SLC12A3: variants seen among roughly 807,000 people sequenced by gnomAD.
The protein encoded by SLC12A3 is Na-Cl cotransporter.
A neutral mutation model predicts 121.0 loss-of-function variants in SLC12A3; 104 were observed. The observed-to-expected ratio is 0.86, with a 90% CI of 0.73 to 1.01. The LOEUF is 1.01. Among genes scored for constraint, SLC12A3 ranks in the 50% least tolerant of loss-of-function variants. The pLI is 0.00. For synonymous variants in SLC12A3, 536 were observed against 533.4 expected (o/e 1.00, Z -0.07); for missense variants, 1,328 against 1,356.3 (o/e 0.98, Z 0.33).
chr16:56,872,440 CA>C lies in SLC12A3; in HGVS notation c.945del (p.Gly316AlafsTer54), dbSNP rs1451049067. ...TCCCCCCATCTGAGGACAAGGCCTC[CA>C]AAGGCTTCTTCAGCTACCGGGGTAT... ...LIPPSEDKAS[K>X]GFFSYRADIF... On this transcript the variant is annotated frameshift_variant, in exon 7 of 26. Coordinates refer to ENST00000563236, the MANE Select transcript of SLC12A3 (RefSeq NM_001126108.2). LOFTEE classifies it high-confidence loss of function. 1.2e-6 allele frequency: 2 copies of C among 1,613,944 alleles called. No homozygotes were observed. Among genetic ancestry groups the C allele is most frequent in the South Asian group, 1.1e-5 (1 of 91,074 alleles).
intron 10 of SLC12A3, 80 bp from the exon 11 acceptor site, chr16:56,879,462 C>A: frequency 8.0e-7 from 1 of 1,248,914 alleles, no homozygotes; most frequent in Non-Finnish European, 1.2e-6. Flanking sequence ...CCCCTGCCCG[C>A]AGTAGGGAAT....
intron 22 of SLC12A3, among the ~76,000 whole-genome samples, chr16:56,897,340 C>T (rs544110137): frequency 1.3e-4 from 20 of 152,222 alleles, no homozygotes; most frequent in African/African-American, 4.6e-4. Context: ...AACCCCTGCC[C>T]GGTCTCTAGT....
chr16:56,886,843 C>T (rs148659533), intron 16 of SLC12A3, 110 bp from the exon 17 acceptor site: 4 of 1,452,546 alleles, frequency 2.8e-6, no homozygotes, highest in Non-Finnish European at 3.8e-6. Context: ...GAAAAGGGCA[C>T]CGTGGGTGCT....
Position 56,899,645 on chromosome 16 carries a change from G to A in SLC12A3, c.2720+29G>A, listed in dbSNP as rs189363999. On this transcript the variant is annotated intron_variant, in intron 23 of 25. Transcript: ENST00000563236. The stretch of plus-strand genomic sequence containing the variant: ...AGTTCTGTTTTGGGGCTTCCAGGCA[G>A]AAGGGCCAACTGTGTGCCTGGAGAC... 6.6e-5 allele frequency: 101 copies of A among 1,530,092 alleles called. 1 individual carries two copies. In the African/African-American group the frequency reaches 1.2e-3, roughly 19 times the overall value. The allele number at this position is 1,530,092 out of a possible 1,614,324, so 94.8% of individuals were successfully genotyped here.
chr16:56,886,360 T>TCAGCCC lies in SLC12A3; in HGVS notation c.1926-2_1929dup, dbSNP rs757663793. ...GCTCCTGCCCTTTTCCCTTCCCTCC[T>TCAGCCC]CAGCCCCCAGTGCCTGGTGCTCACG... On this transcript the variant is annotated splice_region_variant and splice_polypyrimidine_tract_variant and intron_variant, in intron 15 of 25. Transcript: ENST00000563236. 5 of 1,610,822 alleles carry TCAGCCC rather than the reference T, an allele frequency of 3.1e-6. No homozygotes were observed. The highest frequency in any genetic ancestry group is 2.5e-6 in the Non-Finnish European group (3 of 1,177,148).
chr16:56,905,352 A>G (rs1015937686), intron 25 of SLC12A3, among the ~76,000 whole-genome samples: 1 of 151,506 alleles, frequency 6.6e-6, no homozygotes, highest in Admixed American at 6.6e-5. Flanking sequence ...AAAAAAAAAA[A>G]AAAAAAAAAG....
At chr16:56,878,041 T>TCTCTCCC in intron 8 of SLC12A3, 36 bp from the exon 9 acceptor site, 1 of 393,172 alleles carries the variant, frequency 2.5e-6, no homozygotes, top group South Asian at 2.1e-5. Flanking sequence ...CCTCTCTCCC[T>TCTCTCCC]CCCTCCCTCC....
rs1307936997 is a variant in SLC12A3 at position 56,865,411 on chromosome 16, A to G, written c.176A>G (p.Asn59Ser). 6.2e-7 allele frequency: 1 copy of G among 1,614,170 alleles called. No individual in the cohort carries two copies. Among genetic ancestry groups the G allele is most frequent in the South Asian group, 1.1e-5 (1 of 91,084 alleles). Residue 59 changes from asparagine (N) to serine (S), a missense_variant, in exon 1 of 26, where the codon AAC becomes AGC. By Grantham distance (46) the Asn-to-Ser change is conservative (BLOSUM62 1). Transcript: ENST00000563236. ...TTCTGCATGCGCACCTTTGGCTACA[A>G]CACGATCGATGTGGTGCCCACATAT... is the stretch of plus-strand genomic sequence containing the variant. The part of the protein sequence containing the change: ...STFCMRTFGY[N>S]TIDVVPTYEH...
intron 8 of SLC12A3, among the ~76,000 whole-genome samples, chr16:56,876,944 C>T (rs1476151708): frequency 1.3e-5 from 2 of 152,310 alleles, no homozygotes; most frequent in East Asian, 3.9e-4. Context: ...TGTGGTCAGG[C>T]CCAGAGCTGT....
At chr16:56,887,207 C>A in intron 17 of SLC12A3, 114 bp downstream of exon 17, 2 of 1,371,680 alleles carry the variant, frequency 1.5e-6, no homozygotes, top group South Asian at 1.3e-5. Flanking sequence ...GAAGGAGCCC[C>A]AACTTTTTTT....
intron 12 of SLC12A3, among the ~76,000 whole-genome samples, chr16:56,882,048 CAAAAAA>C: frequency 7.9e-6 from 1 of 127,274 alleles, no homozygotes; most frequent in Admixed American, 7.9e-5. Flanking sequence ...GAGTCCGTCT[CAAAAAA>C]AAAAAAAAAG....
rs2055371905 is a variant in SLC12A3 at position 56,890,340 on chromosome 16, G to A, written c.2352G>A (p.Lys784=). The change falls in exon 19 of 26, where the codon AAG becomes AAA. Residue 784 remains lysine (K), a synonymous_variant. Transcript: ENST00000563236. ...MRMREGLNVS[K]MMQAHINPVF... ...TGCGGGAGGGACTCAACGTGTCCAAGATGATGCAGGCGCACAGTGAGTACA... is the reference window on the plus strand; with the variant it reads ...TGCGGGAGGGACTCAACGTGTCCAAAATGATGCAGGCGCACAGTGAGTACA... The A allele has an allele frequency of 6.2e-7, 1 of 1,614,106 alleles. No individual in the cohort carries two copies. Among genetic ancestry groups the A allele is most frequent in the South Asian group, 1.1e-5 (1 of 91,082 alleles).
At chr16:56,868,051 G>A (rs1426114443) in intron 2 of SLC12A3, among the ~76,000 whole-genome samples, 1 of 152,226 alleles carries the variant, frequency 6.6e-6, no homozygotes, top group Non-Finnish European at 1.5e-5. Context: ...AACAGTGCTG[G>A]TAGCCTAGCG....
intron 8 of SLC12A3, among the ~76,000 whole-genome samples, chr16:56,876,061 C>G (rs1175414873): frequency 2.0e-5 from 3 of 152,000 alleles, no homozygotes; most frequent in Non-Finnish European, 2.9e-5. Flanking sequence ...CCAAGCTCCC[C>G]CTGAAAACCC....
At chr16:56,886,323 T>C in intron 15 of SLC12A3, 41 bp from the exon 16 acceptor site, 1 of 1,489,510 alleles carries the variant, frequency 6.7e-7, no homozygotes. Flanking sequence ...CCCCGTGGGC[T>C]CTCTCCTGAT....
In SLC12A3 at chr16:56,915,782, T is replaced by C. The variant is rs761825362; in HGVS notation, c.*2377T>C. 3 of 152,054 alleles carry C rather than the reference T, an allele frequency of 2.0e-5. No individual in the cohort carries two copies. The highest frequency in any genetic ancestry group is 7.2e-5 in the African/African-American group (3 of 41,400). The allele number at this position is 152,054 out of a possible 1,614,324, so 9.4% of individuals were successfully genotyped here. A position where few individuals can be genotyped will look rare whatever the true frequency, so the allele number is the denominator to read the frequency against. On this transcript the variant is annotated 3_prime_UTR_variant, in exon 26 of 26. Transcript: ENST00000563236. ...CAATAGTAATAGCTTTGTAAAAAAATAAAAAGCTTTAACAGCGAGGCCATA... is the reference window on the plus strand; with the variant it reads ...CAATAGTAATAGCTTTGTAAAAAAACAAAAAGCTTTAACAGCGAGGCCATA...
intron 21 of SLC12A3, among the ~76,000 whole-genome samples, chr16:56,893,415 T>C (rs1196897613): frequency 6.6e-6 from 1 of 152,180 alleles, no homozygotes; most frequent in African/African-American, 2.4e-5. Flanking sequence ...AAAGTGACTT[T>C]AAGCTTTATT....
At chr16:56,883,502 G>C (rs1014354231) in intron 13 of SLC12A3, among the ~76,000 whole-genome samples, 1 of 151,848 alleles carries the variant, frequency 6.6e-6, no homozygotes, top group Non-Finnish European at 1.5e-5. Context: ...GGATGGTCTC[G>C]ATCTCCTGAC....
intron 22 of SLC12A3, among the ~76,000 whole-genome samples, chr16:56,896,745 C>G (rs2055467360): frequency 6.6e-6 from 1 of 152,118 alleles, no homozygotes; most frequent in Admixed American, 6.5e-5. Context: ...GATGCTATCT[C>G]TATTTTTTAA....
Sources: gnomAD v4.1 joint callset for allele counts (sites outside exome capture counted in the v4.1 genomes callset) on GRCh38, gnomAD v4.1.1 for gene constraint, MANE v1.5 for transcripts, NCBI Gene and HGNC (gene_info 2026-07-23, HGNC 2026-07-21) for gene names.